Variants in SIRT5 observed in about 807,000 individuals in gnomAD.
SIRT5 encodes the protein NAD-dependent protein deacylase sirtuin-5, mitochondrial.
Under a neutral mutation model 40.0 loss-of-function variants are expected in SIRT5, and 26 were observed. That is an observed-to-expected ratio of 0.65 (90% CI 0.48 to 0.90). SIRT5 has a LOEUF of 0.90. SIRT5 is among the 40% of genes least tolerant of loss of function. SIRT5 has a pLI of 0.00. For missense variants in SIRT5, 401 were observed against 402.4 expected, an observed-to-expected ratio of 1.00 and a Z score of 0.03; for synonymous variants, 146 against 149.1, an observed-to-expected ratio of 0.98 and a Z score of 0.15.
At position 13,615,136 on chromosome 6, in the gene SIRT5, C is replaced by T. The variant is rs933316268; in HGVS notation, c.*3271C>T. 2 of 504,474 alleles carry T rather than the reference C, an allele frequency of 4.0e-6. No individual in the cohort carries two copies. The highest frequency in any genetic ancestry group is 6.8e-6 in the Non-Finnish European group (2 of 293,078). 31.2% of individuals were successfully genotyped at this position (504,474 alleles called of 1,614,324 possible). Reference sequence around the variant, plus strand: ...CCCCATTGCCAGCCGCTTTCGCCGGCAGAGCATTTTCCGTGGGGTCCATCC... The same window carrying T: ...CCCCATTGCCAGCCGCTTTCGCCGGTAGAGCATTTTCCGTGGGGTCCATCC... On this transcript the variant is annotated 3_prime_UTR_variant, in exon 10 of 10. Coordinates refer to ENST00000606117, the MANE Select transcript of SIRT5 (RefSeq NM_012241.5).
intron 6 of SIRT5, among the ~76,000 whole-genome samples, chr6:13,595,945 T>A (rs1370682834): frequency 6.6e-6 from 1 of 152,162 alleles, no homozygotes; most frequent in Non-Finnish European, 1.5e-5. Context: ...TGAGCTGAGA[T>A]CATGCCACTG....
At position 13,607,907 on chromosome 6, in the gene SIRT5, C is replaced by T. The variant is rs1018036425; in HGVS notation, c.858-3883C>T. On this transcript the variant is annotated intron_variant, in intron 9 of 9. Transcript: ENST00000606117. The surrounding 1 kb of genome is among the most constrained non-coding windows in gnomAD (Gnocchi z 4.0). ...CAGCTAGGACTACAGGCGTGCGCCA[C>T]CACACCCAGCTAATTTTTTGTATTT... Among the ~76,000 whole-genome samples the T allele has an allele frequency of 2.6e-5, 4 of 152,054 alleles. No individual in the cohort carries two copies.
intron 5 of SIRT5, among the ~76,000 whole-genome samples, chr6:13,593,661 T>A (rs1032742563): frequency 4.6e-5 from 7 of 152,200 alleles, no homozygotes; most frequent in East Asian, 1.9e-4. Flanking sequence ...GGGTTTTTTT[T>A]AAGATGCATC....
chr6:13,597,158 G>C, intron 7 of SIRT5, 142 bp downstream of exon 7: 1 of 639,182 alleles, frequency 1.6e-6, no homozygotes, highest in South Asian at 2.0e-5. Flanking sequence ...TGATCTCTGA[G>C]ACCAAAAGTG....
Position 13,579,614 on chromosome 6 carries a change from G to C in SIRT5, c.-36+5G>C, listed in dbSNP as rs1355164967. The C allele has an allele frequency of 6.6e-6, 1 of 152,226 alleles. No individual in the cohort carries two copies. The highest frequency in any genetic ancestry group is 2.4e-5 in the African/African-American group (1 of 41,466). 9.4% of individuals were successfully genotyped at this position (152,226 alleles called of 1,614,324 possible). A position where few individuals can be genotyped will look rare whatever the true frequency, so the allele number is the denominator to read the frequency against. ...TTTTGGGAGAAATAACTAAAGGTATGTATTAAGCTCAAGATGATAGCCTAA... is the reference window on the plus strand; with the variant it reads ...TTTTGGGAGAAATAACTAAAGGTATCTATTAAGCTCAAGATGATAGCCTAA... On this transcript the variant is annotated splice_donor_5th_base_variant and intron_variant, in intron 2 of 9. Coordinates refer to ENST00000606117, the MANE Select transcript of SIRT5 (RefSeq NM_012241.5).
chr6:13,599,300 T>C, intron 8 of SIRT5, 145 bp downstream of exon 8: 1 of 822,766 alleles, frequency 1.2e-6, no homozygotes, highest in South Asian at 2.1e-5. Context: ...CCTTCAAATG[T>C]ATGTTGAGAG....
intron 8 of SIRT5, among the ~76,000 whole-genome samples, chr6:13,599,365 A>C (rs866297384): frequency 1.3e-5 from 2 of 152,186 alleles, no homozygotes; most frequent in Admixed American, 6.5e-5. Flanking sequence ...AATTTGTATT[A>C]AAATAGGAAA....
intron 5 of SIRT5, among the ~76,000 whole-genome samples, chr6:13,594,323 T>C (rs1192931865): frequency 3.9e-5 from 6 of 152,334 alleles, no homozygotes; most frequent in Admixed American, 2.6e-4. Context: ...GAAAAATGTC[T>C]ATGCTAAAAC....
intron 2 of SIRT5, among the ~76,000 whole-genome samples, chr6:13,581,274 T>C (rs1759312264): frequency 1.3e-5 from 2 of 152,386 alleles, no homozygotes; most frequent in Non-Finnish European, 1.5e-5. Context: ...CATTAGGACC[T>C]GGGACAGTTT....
At position 13,591,716 on chromosome 6, in the gene SIRT5, G is replaced by A. The variant is rs1322510853; in HGVS notation, c.297G>A (p.Trp99Ter). The part of the protein sequence containing the change: ...LAFAHNPSRV[W>*]EFYHYRREVM... ...TTGCCCACAACCCGTCCCGGGTGTG[G>A]GAGTTCTACCACTACCGGCGGGAGG... Residue 99 changes from tryptophan to a stop codon, truncating the protein, a stop_gained, in exon 5 of 10, where the codon TGG becomes TGA. Coordinates refer to ENST00000606117, the MANE Select transcript of SIRT5 (RefSeq NM_012241.5). LOFTEE classifies it high-confidence loss of function. The A allele has an allele frequency of 6.2e-7, 1 of 1,608,696 alleles. No homozygotes were observed. Among genetic ancestry groups the A allele is most frequent in the African/African-American group, 1.3e-5 (1 of 74,844 alleles).
At chr6:13,595,243 G>A (rs1269126645) in intron 5 of SIRT5, among the ~76,000 whole-genome samples, 1 of 152,208 alleles carries the variant, frequency 6.6e-6, no homozygotes, top group African/African-American at 2.4e-5. Context: ...GTGTGGCGGT[G>A]CACACCTATA....
intron 9 of SIRT5, chr6:13,604,552 C>A: frequency 6.3e-7 from 1 of 1,576,088 alleles, no homozygotes. Flanking sequence ...CAAGAAAATG[C>A]AGATAGAGAA....
At chr6:13,574,443 G>T (rs1165680567), upstream of SIRT5, 1 of 152,128 alleles carries the variant, frequency 6.6e-6, no homozygotes, top group Non-Finnish European at 1.5e-5. Flanking sequence ...GCGAGCGGAG[G>T]TGGCACCGGT....
chr6:13,578,480 C>T lies in SIRT5; in HGVS notation c.-194-971C>T, dbSNP rs150040203. ...CTAAAAATACAAAAAATTAGCCGGGCGTGGTGTCGGTTGCTTGTAGTCCCA... is the reference window on the plus strand; with the variant it reads ...CTAAAAATACAAAAAATTAGCCGGGTGTGGTGTCGGTTGCTTGTAGTCCCA... On this transcript the variant is annotated intron_variant, in intron 1 of 9. Transcript: ENST00000606117. Among the ~76,000 whole-genome samples, 1,256 of 151,802 alleles carry T rather than the reference C, an allele frequency of 8.3e-3. 19 individuals carry two copies. The highest frequency in any genetic ancestry group is 0.028 in the African/African-American group (1,147 of 41,372).
In SIRT5 at chr6:13,611,818, A is replaced by G. The variant is rs1271415710; in HGVS notation, c.886A>G (p.Thr296Ala). 1.2e-6 allele frequency: 2 copies of G among 1,613,754 alleles called. No homozygotes were observed. Among genetic ancestry groups the G allele is most frequent in the African/African-American group, 1.3e-5 (1 of 74,954 alleles). The change falls in exon 10 of 10, where the codon ACT becomes GCT. Residue 296 changes from threonine to alanine, a missense_variant. Physicochemically the swap from Thr to Ala is moderately conservative, Grantham distance 58 (BLOSUM62 0). Coordinates refer to ENST00000606117, the MANE Select transcript of SIRT5 (RefSeq NM_012241.5). Reference protein sequence around the residue: ...RFHFQGPCGTTLPEALACHEN... With the variant: ...RFHFQGPCGTALPEALACHEN... ...TCATTTCCAGGGACCCTGTGGAACG[A>G]CTCTTCCTGAAGCCCTTGCCTGTCA... is the stretch of plus-strand genomic sequence containing the variant.
intron 7 of SIRT5, 41 bp downstream of exon 7, chr6:13,597,057 C>G: frequency 6.8e-7 from 1 of 1,479,128 alleles, no homozygotes. Context: ...TTCCAGGTTA[C>G]CAAAACAAAA....
At chr6:13,575,108 C>T (rs373378236) in intron 1 of SIRT5, among the ~76,000 whole-genome samples, 5 of 152,146 alleles carry the variant, frequency 3.3e-5, no homozygotes, top group Non-Finnish European at 5.9e-5. Context: ...GATGAAGTCC[C>T]AGTGCTTCGG....
intron 3 of SIRT5, chr6:13,585,264 T>C (rs1278203620): frequency 6.6e-6 from 1 of 152,120 alleles, no homozygotes; most frequent in Non-Finnish European, 1.5e-5. Context: ...TTATTATAAT[T>C]TAAGTTCTAG....
At chr6:13,584,253 T>G (rs1165897781) in intron 3 of SIRT5, 28 bp downstream of exon 3, 1 of 1,494,932 alleles carries the variant, frequency 6.7e-7, no homozygotes, top group Non-Finnish European at 9.3e-7. Context: ...TTGCCTCACC[T>G]GCAGCCAAAT....
Sources: gnomAD v4.1 joint callset for allele counts (sites outside exome capture counted in the v4.1 genomes callset) on GRCh38, gnomAD v4.1.1 for gene constraint, Gnocchi (gnomAD v3.1) non-coding constraint, MANE v1.5 for transcripts, NCBI Gene and HGNC (gene_info 2026-07-23, HGNC 2026-07-21) for gene names.